Variants in BMPR1B observed in about 807,000 individuals in gnomAD.
BMPR1B encodes bone morphogenetic protein receptor type 1B, also known as bone morphogenetic protein receptor type-1B.
In BMPR1B, 12 loss-of-function variants were observed where a neutral mutation model predicts 59.1. That is an observed-to-expected ratio of 0.20 (90% CI 0.13 to 0.33). The LOEUF (loss-of-function observed/expected upper bound fraction) is 0.33, where lower values mean the gene tolerates loss of function less well. BMPR1B is among the 10% of genes least tolerant of loss of function. The pLI is 1.00. For missense variants in BMPR1B, 550 were observed against 610.9 expected (o/e 0.90, Z 1.05); for synonymous variants, 237 against 207.3 (o/e 1.14, Z -1.23).
chr4:95,058,593 T>C (rs1390645390), intron 3 of BMPR1B, among the ~76,000 whole-genome samples: 2 of 152,196 alleles, frequency 1.3e-5, no homozygotes, highest in African/African-American at 4.8e-5. Context: ...CATCTCTGTC[T>C]ACCTTCAATA....
chr4:94,804,147 G>A (rs1339480627), intron 1 of BMPR1B, among the ~76,000 whole-genome samples: 1 of 152,126 alleles, frequency 6.6e-6, no homozygotes, highest in Non-Finnish European at 1.5e-5. Context: ...CAAAGTGCTG[G>A]GATTACAGGC....
intron 10 of BMPR1B, among the ~76,000 whole-genome samples, chr4:95,145,210 C>T (rs368045623): frequency 2.6e-5 from 4 of 152,272 alleles, no homozygotes; most frequent in African/African-American, 7.2e-5. Context: ...CCAGAAGTAA[C>T]GAGTATCCTA....
At chr4:94,845,954 C>G (rs1033699490) in intron 1 of BMPR1B, among the ~76,000 whole-genome samples, 2 of 152,106 alleles carry the variant, frequency 1.3e-5, no homozygotes, top group African/African-American at 4.8e-5. Flanking sequence ...GTTACCTCAT[C>G]AAGTATATTA....
rs571734582 is a variant in BMPR1B at position 95,042,709 on chromosome 4, A to G, written c.-18+46575A>G. Among the ~76,000 whole-genome samples the G allele has an allele frequency of 1.7e-3, 253 of 152,310 alleles. 2 individuals carry two copies. Among genetic ancestry groups the G allele is most frequent in the African/African-American group, 5.9e-3 (246 of 41,582 alleles). On this transcript the variant is annotated intron_variant, in intron 3 of 12. Coordinates refer to ENST00000515059, the MANE Select transcript of BMPR1B (RefSeq NM_001203.3). ...CATGATCATTATCATTGTTGTCATC[A>G]TGATCCTAGCTGTCATCATTCTATG...
chr4:94,922,533 GTTCT>G (rs936580769), intron 2 of BMPR1B, among the ~76,000 whole-genome samples: 1 of 152,114 alleles, frequency 6.6e-6, no homozygotes, highest in African/African-American at 2.4e-5. Context: ...TATTATTTTT[GTTCT>G]TTCTAAGTTG....
At chr4:94,811,866 A>G (rs1440353396) in intron 1 of BMPR1B, among the ~76,000 whole-genome samples, 4 of 152,226 alleles carry the variant, frequency 2.6e-5, no homozygotes, top group Admixed American at 1.3e-4. Flanking sequence ...CAGTATTTCC[A>G]TATAAACATA....
chr4:94,958,981 A>G (rs1423026123), intron 2 of BMPR1B, among the ~76,000 whole-genome samples: 1 of 152,128 alleles, frequency 6.6e-6, no homozygotes, highest in Non-Finnish European at 1.5e-5. Context: ...GTATAGTTGG[A>G]AACACGAGGA....
chr4:94,888,656 A>T (rs1244766878), intron 2 of BMPR1B, among the ~76,000 whole-genome samples: 1 of 152,132 alleles, frequency 6.6e-6, no homozygotes, highest in Non-Finnish European at 1.5e-5. Context: ...AAAGCTGGTA[A>T]GTGATGAAGC....
At chr4:94,793,634 A>C (rs1397809352) in intron 1 of BMPR1B, among the ~76,000 whole-genome samples, 1 of 147,054 alleles carries the variant, frequency 6.8e-6, no homozygotes, top group African/African-American at 2.5e-5. Flanking sequence ...AGTCCCACCA[A>C]CAGTGTCAAA....
At chr4:95,025,252 A>G (rs1277977936) in intron 3 of BMPR1B, among the ~76,000 whole-genome samples, 1 of 152,180 alleles carries the variant, frequency 6.6e-6, no homozygotes, top group African/African-American at 2.4e-5. Flanking sequence ...ATCGAGGCCA[A>G]ACCATGTCGT....
chr4:94,981,005 A>ACGCGTGCG (rs34635740), intron 2 of BMPR1B, among the ~76,000 whole-genome samples: 33 of 122,798 alleles, frequency 2.7e-4, no homozygotes, highest in South Asian at 2.2e-3. Flanking sequence ...ACACACACAC[A>ACGCGTGCG]CACACACACA....
chr4:94,918,288 C>CA (rs1312421254), intron 2 of BMPR1B, among the ~76,000 whole-genome samples: 1 of 152,136 alleles, frequency 6.6e-6, no homozygotes, highest in African/African-American at 2.4e-5. Context: ...ATACATACAT[C>CA]ACACTGCATT....
chr4:95,051,315 C>A lies in BMPR1B; in HGVS notation c.-17-53093C>A, dbSNP rs572763337. On this transcript the variant is annotated intron_variant, in intron 3 of 12. Transcript: ENST00000515059. Reference sequence around the variant, plus strand: ...GAAACAAACTATTTTATGACAGCAGCGTTTTAAATGAGGTTTGCTATGGAT... The same window carrying A: ...GAAACAAACTATTTTATGACAGCAGAGTTTTAAATGAGGTTTGCTATGGAT... 6.8e-4 allele frequency among the ~76,000 whole-genome samples: 103 copies of A among 152,320 alleles called. 1 individual carries two copies. The South Asian group carries it at 0.021, about 31-fold the overall frequency.
chr4:94,975,655 C>T lies in BMPR1B; in HGVS notation c.-112-20385C>T, dbSNP rs540753963. 7.2e-5 allele frequency among the ~76,000 whole-genome samples: 11 copies of T among 152,212 alleles called. No individual in the cohort carries two copies. The South Asian group carries it at 2.3e-3, about 32-fold the overall frequency. On this transcript the variant is annotated intron_variant, in intron 2 of 12. Coordinates refer to ENST00000515059, the MANE Select transcript of BMPR1B (RefSeq NM_001203.3). ...CCCACCTCCCAAAGTGCTAGGACTACAGGCATGAGCCAATTTGTTTTTTAA... is the reference window on the plus strand; with the variant it reads ...CCCACCTCCCAAAGTGCTAGGACTATAGGCATGAGCCAATTTGTTTTTTAA...
rs199574448 is a variant in BMPR1B at position 94,962,072 on chromosome 4, TTTCCTTCCTTCCTTCCTTCC to T, written c.-112-33936_-112-33917del. Among the ~76,000 whole-genome samples, 181 of 117,994 alleles carry T rather than the reference TTTCCTTCCTTCCTTCCTTCC, an allele frequency of 1.5e-3. 1 individual carries two copies. The highest frequency in any genetic ancestry group is 4.1e-3 in the African/African-American group (115 of 28,332). The allele number at this position is 117,994 out of a possible 152,430, so 77.4% of individuals were successfully genotyped here. A position where few individuals can be genotyped will look rare whatever the true frequency, so the allele number is the denominator to read the frequency against. Reference sequence around the variant, plus strand: ...TTCTTTCTTTCTTTTCTTTCTTTTCTTTCCTTCCTTCCTTCCTTCCTTCCTTCCTTCCTTCCTTCCTTCCT... The same window carrying T: ...TTCTTTCTTTCTTTTCTTTCTTTTCTTTCCTTCCTTCCTTCCTTCCTTCCT... On this transcript the variant is annotated intron_variant, in intron 2 of 12. Coordinates refer to ENST00000515059, the MANE Select transcript of BMPR1B (RefSeq NM_001203.3).
At chr4:94,832,503 C>T (rs370378948) in intron 1 of BMPR1B, among the ~76,000 whole-genome samples, 2 of 152,068 alleles carry the variant, frequency 1.3e-5, no homozygotes, top group African/African-American at 4.8e-5. Flanking sequence ...GTGTAGCAGC[C>T]GAGCATGGTC....
In BMPR1B at chr4:94,876,667, A is replaced by G. The variant is rs147471542; in HGVS notation, c.-113+767A>G. On this transcript the variant is annotated intron_variant, in intron 2 of 12. Transcript: ENST00000515059. ...GTGGGAATTACATTGAGACCTCCTG[A>G]TCTTTACTTCAGTGCTATACTGAAA... 2.3e-3 allele frequency among the ~76,000 whole-genome samples: 354 copies of G among 152,324 alleles called. 1 individual carries two copies. Among genetic ancestry groups the G allele is most frequent in the African/African-American group, 8.3e-3 (345 of 41,562 alleles).
Position 94,840,769 on chromosome 4 carries a change from A to T in BMPR1B, c.-182-35062A>T, listed in dbSNP as rs1350500839. The stretch of plus-strand genomic sequence containing the variant: ...AAGCCTTCTTCTCTCAACTTGTCAA[A>T]GTCGTTCTCCGTCCAGCTTTGTTCC... On this transcript the variant is annotated intron_variant, in intron 1 of 12. Transcript: ENST00000515059. Among the ~76,000 whole-genome samples the T allele has an allele frequency of 3.4e-5, 5 of 148,734 alleles. 1 individual carries two copies. The highest frequency in any genetic ancestry group is 5.0e-5 in the African/African-American group (2 of 40,296).
intron 3 of BMPR1B, among the ~76,000 whole-genome samples, chr4:95,060,471 C>T (rs1727277205): frequency 6.6e-6 from 1 of 152,044 alleles, no homozygotes; most frequent in Non-Finnish European, 1.5e-5. Flanking sequence ...AATATTGTCC[C>T]CAATGATGAA....
Sources: allele counts gnomAD v4.1 joint callset (sites outside exome capture counted in the v4.1 genomes callset), GRCh38; gene constraint gnomAD v4.1.1; transcripts MANE v1.5; gene names NCBI Gene and HGNC (gene_info 2026-07-23, HGNC 2026-07-21).